IER3IP1: variants seen among roughly 807,000 people sequenced by gnomAD.
The protein encoded by IER3IP1 is immediate early response 3 interacting protein 1.
IER3IP1 carries 16 observed loss-of-function variants against 12.2 expected under a neutral mutation model. The ratio of observed to expected loss-of-function variants is 1.31; its 90% confidence interval spans 0.89 to 1.99. The LOEUF (loss-of-function observed/expected upper bound fraction) is 1.99. Among genes scored for constraint, IER3IP1 ranks in the 30% most tolerant of loss-of-function variants. The pLI is 0.00. For missense variants in IER3IP1, 95 were observed against 95.8 expected (o/e 0.99, Z 0.03); for synonymous variants, 42 against 40.0 (o/e 1.05, Z -0.19).
chr18:47,168,151 A>T (rs1338091321), intron 1 of IER3IP1, among the ~76,000 whole-genome samples: 37 of 143,056 alleles, frequency 2.6e-4, no homozygotes, highest in African/African-American at 8.4e-4. Context: ...AAAAAAAAAA[A>T]AAAATTTTAG....
At chr18:47,176,094 C>G in intron 1 of IER3IP1, 93 bp downstream of exon 1, 2 of 1,020,588 alleles carry the variant, frequency 2.0e-6, no homozygotes, top group Non-Finnish European at 3.0e-6. Flanking sequence ...TCTTCTGTCC[C>G]GGCCCTTGGT....
rs2063951839 is a variant in IER3IP1 at position 47,154,613 on chromosome 18, A to G, written c.*1564T>C. 6.6e-6 allele frequency: 1 copy of G among 152,212 alleles called. No homozygotes were observed. The highest frequency in any genetic ancestry group is 2.1e-4 in the South Asian group (1 of 4,832). 9.4% of individuals were successfully genotyped at this position (152,212 alleles called of 1,614,324 possible). ...TCTTTTGAATCTTTTCAGTAGCTCA[A>G]ACTTGAACTCAGGCATCAGTTCTTT... On this transcript the variant is annotated 3_prime_UTR_variant, in exon 3 of 3. Transcript: ENST00000256433.
chr18:47,167,515 C>T (rs117101015), intron 1 of IER3IP1, among the ~76,000 whole-genome samples: 2 of 152,286 alleles, frequency 1.3e-5, no homozygotes, highest in Admixed American at 6.5e-5. Flanking sequence ...CTGAAATATA[C>T]TTTCAAGTGA....
chr18:47,167,001 T>C (rs1317716832), intron 1 of IER3IP1, among the ~76,000 whole-genome samples: 2 of 151,864 alleles, frequency 1.3e-5, no homozygotes, highest in Non-Finnish European at 2.9e-5. Flanking sequence ...GAAGACAAAG[T>C]TCCAGACGGC....
chr18:47,167,539 A>G (rs2064000004), intron 1 of IER3IP1, among the ~76,000 whole-genome samples: 1 of 152,242 alleles, frequency 6.6e-6, no homozygotes, highest in Non-Finnish European at 1.5e-5. Flanking sequence ...TTACTGGTTT[A>G]TTGGAACAAT....
intron 1 of IER3IP1, among the ~76,000 whole-genome samples, chr18:47,158,485 G>T (rs1490107354): frequency 2.0e-5 from 3 of 151,866 alleles, no homozygotes; most frequent in Admixed American, 6.6e-5. Flanking sequence ...GGGACTATAG[G>T]CGCACGCCAC....
At chr18:47,170,062 T>C (rs1208633685) in intron 1 of IER3IP1, among the ~76,000 whole-genome samples, 1 of 152,190 alleles carries the variant, frequency 6.6e-6, no homozygotes, top group Non-Finnish European at 1.5e-5. Context: ...TAGCTTTTTA[T>C]CTTACAGTTT....
chr18:47,157,012 A>G (rs933740255), intron 2 of IER3IP1: 1 of 181,814 alleles, frequency 5.5e-6, no homozygotes, highest in Non-Finnish European at 1.1e-5. Flanking sequence ...GGCTGGTCTC[A>G]AACTCCTGAC....
chr18:47,166,611 A>G (rs910727943), intron 1 of IER3IP1, among the ~76,000 whole-genome samples: 11 of 152,198 alleles, frequency 7.2e-5, no homozygotes, highest in African/African-American at 2.7e-4. Context: ...TTTATATTGA[A>G]GGCTACAGAT....
chr18:47,160,850 A>G (rs2063977771), intron 1 of IER3IP1, among the ~76,000 whole-genome samples: 2 of 152,046 alleles, frequency 1.3e-5, no homozygotes, highest in Admixed American at 1.3e-4. Context: ...ATTCCTCTTC[A>G]TTTATTAATT....
chr18:47,158,834 G>A (rs993765744), intron 1 of IER3IP1, among the ~76,000 whole-genome samples: 28 of 151,952 alleles, frequency 1.8e-4, no homozygotes, highest in Admixed American at 4.6e-4. Context: ...GATGGCGTGC[G>A]CCTGTAGTCC....
chr18:47,158,396 AGTG>A (rs2063968373), intron 1 of IER3IP1, among the ~76,000 whole-genome samples: 1 of 152,008 alleles, frequency 6.6e-6, no homozygotes, highest in Non-Finnish European at 1.5e-5. Context: ...GCTGGAGTGC[AGTG>A]GTGTAATCAC....
intron 1 of IER3IP1, among the ~76,000 whole-genome samples, chr18:47,160,096 G>A (rs1247384306): frequency 2.6e-5 from 4 of 152,030 alleles, no homozygotes; most frequent in Non-Finnish European, 5.9e-5. Context: ...TCAGGAGGCC[G>A]AGGCAGGAGA....
intron 1 of IER3IP1, among the ~76,000 whole-genome samples, chr18:47,167,266 G>T (rs565920428): frequency 6.6e-6 from 1 of 152,206 alleles, no homozygotes; most frequent in South Asian, 2.1e-4. Flanking sequence ...GGCCAGGCTG[G>T]TCTCGAACTC....
intron 1 of IER3IP1, among the ~76,000 whole-genome samples, chr18:47,174,523 G>A (rs1159775730): frequency 6.6e-6 from 1 of 152,068 alleles, no homozygotes; most frequent in East Asian, 1.9e-4. Context: ...ACAAAAATTA[G>A]CCAGGCTTGG....
intron 1 of IER3IP1, among the ~76,000 whole-genome samples, chr18:47,173,537 T>C (rs1377524652): frequency 6.6e-6 from 1 of 152,038 alleles, no homozygotes; most frequent in African/African-American, 2.4e-5. Context: ...TAGAGACAGG[T>C]TTCACCATGT....
intron 1 of IER3IP1, among the ~76,000 whole-genome samples, chr18:47,170,881 TG>T (rs1462099314): frequency 6.6e-6 from 1 of 152,160 alleles, no homozygotes. Flanking sequence ...TCTTTTTTCT[TG>T]TCTAACTGTC....
intron 1 of IER3IP1, among the ~76,000 whole-genome samples, chr18:47,168,168 G>C (rs1396158784): frequency 6.7e-6 from 1 of 148,204 alleles, no homozygotes; most frequent in Non-Finnish European, 1.5e-5. Flanking sequence ...TTAGCTAGGT[G>C]GTGGTGGGTT....
Position 47,155,604 on chromosome 18 carries a change from T to C in IER3IP1, c.*573A>G, listed in dbSNP as rs2063955774. On this transcript the variant is annotated 3_prime_UTR_variant, in exon 3 of 3. Coordinates refer to ENST00000256433, the MANE Select transcript of IER3IP1 (RefSeq NM_016097.5). ...ATCATGTGACTGACAGAATTCTCCC[T>C]GAAATCAGAGAATATTAATACTCAA... The C allele has an allele frequency of 6.6e-6, 1 of 152,152 alleles. No homozygotes were observed. The highest frequency in any genetic ancestry group is 2.1e-4 in the South Asian group (1 of 4,820). 9.4% of individuals were successfully genotyped at this position (152,152 alleles called of 1,614,324 possible).
Sources: allele counts gnomAD v4.1 joint callset (sites outside exome capture counted in the v4.1 genomes callset), GRCh38; gene constraint gnomAD v4.1.1; transcripts MANE v1.5; gene names NCBI Gene and HGNC (gene_info 2026-07-23, HGNC 2026-07-21).